The following PTPRS variants were observed in gnomAD, a reference collection of about 807,000 sequenced individuals.
PTPRS encodes receptor-type tyrosine-protein phosphatase S.
Under a neutral mutation model 215.3 loss-of-function variants are expected in PTPRS, and 63 were observed. The observed-to-expected ratio is 0.29, with a 90% CI of 0.24 to 0.36. PTPRS has a LOEUF of 0.36. Among genes scored for constraint, PTPRS ranks in the 10% least tolerant of loss-of-function variants. PTPRS has a pLI of 1.00. For synonymous variants in PTPRS, 1,404 were observed against 1,191.4 expected (o/e 1.18, Z -3.68); for missense variants, 2,258 against 2,825.8 (o/e 0.80, Z 4.56).
rs745383561 is a variant in PTPRS at position 5,208,373 on chromosome 19, C to G, written c.5506G>C (p.Val1836Leu). The G allele has an allele frequency of 3.7e-6, 6 of 1,603,018 alleles. No individual in the cohort carries two copies. The highest frequency in any genetic ancestry group is 5.1e-6 in the Non-Finnish European group (6 of 1,174,260). The change falls in exon 36 of 38, where the codon GTC (valine) becomes CTC (leucine). Residue 1836 changes from valine to leucine, a missense_variant. Physicochemically the swap from Val to Leu is conservative, Grantham distance 32. This residue lies in a region of PTPRS where 927 missense variants were observed against 1,125.9 expected (regional missense o/e 0.82). Transcript: ENST00000262963. ...CAGTCTGTGAACTGGAACTGCCGGA[C>G]AGTCCGGGACTGGCCATCCTAGAGT... ...TDARDGQSRT[V>L]RQFQFTDWPE...
At chr19:5,236,000 T>C (rs1181983424) in intron 13 of PTPRS, among the ~76,000 whole-genome samples, 2 of 152,238 alleles carry the variant, frequency 1.3e-5, no homozygotes, top group Non-Finnish European at 2.9e-5. Context: ...TATTATCTCA[T>C]TTAACGCATG....
chr19:5,260,637 C>G (rs1188330956), intron 7 of PTPRS, among the ~76,000 whole-genome samples, 168 bp downstream of exon 7: 1 of 152,170 alleles, frequency 6.6e-6, no homozygotes, highest in African/African-American at 2.4e-5. Flanking sequence ...CCCCTGGCCA[C>G]AGACACAGAC....
rs116697792 is a variant in PTPRS at position 5,226,456 on chromosome 19, C to T, written c.2377-612G>A. Among the ~76,000 whole-genome samples, 670 of 152,216 alleles carry T rather than the reference C, an allele frequency of 4.4e-3. 3 individuals are homozygous for T. The highest frequency in any genetic ancestry group is 0.015 in the African/African-American group (611 of 41,544). On this transcript the variant is annotated intron_variant, in intron 16 of 37. Transcript: ENST00000262963. ...AAAAATTAAACTGTACGAGGCTGGG[C>T]GCAGTGGCTGACGCCTGTAATCCCA...
At chr19:5,246,579 A>T (rs2044504532) in intron 9 of PTPRS, among the ~76,000 whole-genome samples, 1 of 152,120 alleles carries the variant, frequency 6.6e-6, no homozygotes, top group African/African-American at 2.4e-5. Context: ...TCGGGATGTG[A>T]GTGGGTTAGG....
rs1315206547 is a variant in PTPRS at position 5,293,702 on chromosome 19, T to A, written c.-94-7468A>T. Among the ~76,000 whole-genome samples, 2 of 149,330 alleles carry A rather than the reference T, an allele frequency of 1.3e-5. No homozygotes were observed. The highest frequency in any genetic ancestry group is 3.0e-5 in the Non-Finnish European group (2 of 67,080). On this transcript the variant is annotated intron_variant, in intron 1 of 37. Coordinates refer to ENST00000262963, the MANE Select transcript of PTPRS (RefSeq NM_002850.4). This position sits in a 1 kb window ranked among gnomAD's most constrained non-coding sequence, Gnocchi z 8.4. Reference sequence around the variant, plus strand: ...CTGGGTGGGACCGGAGGCACGGTGATGGGGGCGGGGGGCGTCCCCTCTTCC... The same window carrying A: ...CTGGGTGGGACCGGAGGCACGGTGAAGGGGGCGGGGGGCGTCCCCTCTTCC...
chr19:5,226,196 C>T (rs1258132535), intron 16 of PTPRS, among the ~76,000 whole-genome samples: 2 of 152,200 alleles, frequency 1.3e-5, no homozygotes, highest in Non-Finnish European at 2.9e-5. Context: ...CCACAGCCCT[C>T]CATGGCTCCC....
At chr19:5,227,330 C>T (rs1421989983) in intron 16 of PTPRS, among the ~76,000 whole-genome samples, 1 of 151,898 alleles carries the variant, frequency 6.6e-6, no homozygotes, top group African/African-American at 2.4e-5. Context: ...GGATTACAGG[C>T]GTGAGCCACT....
At chr19:5,300,795 A>G (rs1301906692) in intron 1 of PTPRS, among the ~76,000 whole-genome samples, 1 of 151,556 alleles carries the variant, frequency 6.6e-6, no homozygotes, top group Admixed American at 6.6e-5. Flanking sequence ...AGAAAAGAAA[A>G]GAAAGAAAAA....
intron 9 of PTPRS, among the ~76,000 whole-genome samples, chr19:5,251,272 T>C (rs937148614): frequency 2.7e-5 from 4 of 149,868 alleles, no homozygotes; most frequent in Admixed American, 6.6e-5. Flanking sequence ...CCTCCTTCCC[T>C]CCCTCCCGCC....
Position 5,245,825 on chromosome 19 carries a change from G to A in PTPRS, c.939C>T (p.Ala313=). 1 of 1,613,270 alleles carries A rather than the reference G, an allele frequency of 6.2e-7. No homozygotes were observed. Residue 313 remains alanine (A), a synonymous_variant, in exon 10 of 38, where the codon GCC becomes GCT. Transcript: ENST00000262963. The stretch of plus-strand genomic sequence containing the variant: ...CCTCAATGACGCCCAGGCTGGACAT[G>A]GCCACGCAGGTGTAGTTGGCCGAGT... The part of the protein sequence containing the change: ...VKDSANYTCV[A]MSSLGVIEAV...
At chr19:5,232,449 A>G (rs570772600) in intron 13 of PTPRS, among the ~76,000 whole-genome samples, 61 of 151,672 alleles carry the variant, frequency 4.0e-4, no homozygotes, top group African/African-American at 1.4e-3. Context: ...CTATTTACTC[A>G]ACACCTACTA....
intron 1 of PTPRS, among the ~76,000 whole-genome samples, chr19:5,289,761 A>G (rs887279): frequency 0.9 from 136,507 of 152,230 alleles, 61,393 homozygotes; most frequent in Middle Eastern, 0.96. Context: ...TCTGCACTAC[A>G]AACAGCATGA....
intron 9 of PTPRS, among the ~76,000 whole-genome samples, chr19:5,248,388 GAA>G (rs201415806): frequency 7.6e-5 from 11 of 145,406 alleles, no homozygotes; most frequent in South Asian, 4.3e-4. Context: ...AAAGCAAGAA[GAA>G]AAAAAAAAAA....
chr19:5,229,939 C>T (rs1163350561), intron 14 of PTPRS, among the ~76,000 whole-genome samples: 3 of 151,242 alleles, frequency 2.0e-5, no homozygotes, highest in African/African-American at 7.3e-5. Context: ...TTCCCAGGGC[C>T]TCCAGACACC....
chr19:5,261,192 G>C (rs1352059089), intron 6 of PTPRS, among the ~76,000 whole-genome samples: 1 of 151,988 alleles, frequency 6.6e-6, no homozygotes, highest in Non-Finnish European at 1.5e-5. Context: ...AGGGAGGGAG[G>C]TTCATCACCC....
At position 5,273,197 on chromosome 19, in the gene PTPRS, T is replaced by C. The variant is rs2047067075; in HGVS notation, c.379+245A>G. ...TCAGCCTTTTGTCATCAGAAGCACA[T>C]GATGAAGATTATAAATTAGGATGAT... On this transcript the variant is annotated intron_variant, in intron 4 of 37. Transcript: ENST00000262963. The C allele has an allele frequency of 2.0e-5, 11 of 548,700 alleles. No homozygotes were observed. The South Asian group carries it at 2.1e-4, about 11-fold the overall frequency. 34.0% of individuals were successfully genotyped at this position (548,700 alleles called of 1,614,324 possible). A position where few individuals can be genotyped will look rare whatever the true frequency, so the allele number is the denominator to read the frequency against.
intron 4 of PTPRS, among the ~76,000 whole-genome samples, chr19:5,267,683 C>T (rs1289430098): frequency 1.3e-5 from 2 of 148,418 alleles, no homozygotes; most frequent in East Asian, 4.0e-4. Context: ...GATTAGGAAA[C>T]AGCCACGTAG....
At chr19:5,254,339 TC>T (rs1160263743) in intron 9 of PTPRS, among the ~76,000 whole-genome samples, 1 of 152,160 alleles carries the variant, frequency 6.6e-6, no homozygotes, top group African/African-American at 2.4e-5. Flanking sequence ...GATTCCAAAG[TC>T]TGGCTTCTGT....
At chr19:5,270,440 C>A (rs1405281988) in intron 4 of PTPRS, among the ~76,000 whole-genome samples, 2 of 151,862 alleles carry the variant, frequency 1.3e-5, no homozygotes, top group Non-Finnish European at 2.9e-5. Context: ...ATAGGCAGGC[C>A]CCATTACACC....
Sources: allele counts gnomAD v4.1 joint callset (sites outside exome capture counted in the v4.1 genomes callset), GRCh38; gene constraint gnomAD v4.1.1; regional missense constraint gnomAD v4.1.1; non-coding constraint Gnocchi (gnomAD v3.1); transcripts MANE v1.5; gene names NCBI Gene and HGNC (gene_info 2026-07-23, HGNC 2026-07-21).